CCDC91: variants seen among roughly 807,000 people sequenced by gnomAD.
The protein encoded by CCDC91 is coiled-coil domain-containing protein 91.
Under a neutral mutation model 63.2 loss-of-function variants are expected in CCDC91, and 48 were observed. That is an observed-to-expected ratio of 0.76 (90% CI 0.60 to 0.97). CCDC91 has a LOEUF of 0.97. CCDC91 is among the 50% of genes least tolerant of loss of function. The probability of loss-of-function intolerance (pLI) is 0.00; values close to 1 mark genes in which losing one functional copy is unlikely to be tolerated. For synonymous variants in CCDC91, 167 were observed against 165.8 expected, an observed-to-expected ratio of 1.01 and a Z score of -0.06; for missense variants, 500 against 494.6, an observed-to-expected ratio of 1.01 and a Z score of -0.10.
rs75991473 is a variant in CCDC91 at position 28,457,475 on chromosome 12, G to A, written c.1101+4821G>A. Among the ~76,000 whole-genome samples the A allele has an allele frequency of 2.2e-3, 333 of 148,866 alleles. 3 individuals are homozygous for A. Among genetic ancestry groups the A allele is most frequent in the African/African-American group, 7.8e-3 (315 of 40,272 alleles). On this transcript the variant is annotated intron_variant, in intron 11 of 12. Transcript: ENST00000536442. Reference sequence around the variant, plus strand: ...ACAGTAGAAATTAGGAAATGATCTAGTATGGCAACACAAAAACATTGTGCA... The same window carrying A: ...ACAGTAGAAATTAGGAAATGATCTAATATGGCAACACAAAAACATTGTGCA...
At chr12:28,221,406 G>A (rs927573052) in intron 1 of CCDC91, among the ~76,000 whole-genome samples, 4 of 152,012 alleles carry the variant, frequency 2.6e-5, no homozygotes, top group South Asian at 2.1e-4. Context: ...CTGGTTATGC[G>A]TTATAGTTTT....
At chr12:28,199,909 C>T (rs1942079674) in intron 1 of CCDC91, among the ~76,000 whole-genome samples, 1 of 152,146 alleles carries the variant, frequency 6.6e-6, no homozygotes, top group Non-Finnish European at 1.5e-5. Flanking sequence ...TGATGTGTTA[C>T]AGTGTGGATC....
intron 3 of CCDC91, among the ~76,000 whole-genome samples, chr12:28,295,772 G>A (rs1380834094): frequency 6.6e-6 from 1 of 151,940 alleles, no homozygotes; most frequent in Non-Finnish European, 1.5e-5. Flanking sequence ...AGAGACTCAG[G>A]AACCAAAAAC....
intron 12 of CCDC91, among the ~76,000 whole-genome samples, chr12:28,532,883 A>G (rs1197248928): frequency 6.6e-6 from 1 of 152,092 alleles, no homozygotes; most frequent in Non-Finnish European, 1.5e-5. Flanking sequence ...TGTACCTCTA[A>G]CTTTTATCAG....
At chr12:28,242,949 T>G (rs1325039087) in intron 1 of CCDC91, among the ~76,000 whole-genome samples, 3 of 152,132 alleles carry the variant, frequency 2.0e-5, no homozygotes, top group Non-Finnish European at 4.4e-5. Context: ...CTCTGCCTTC[T>G]GTCATGATTG....
At chr12:28,498,906 G>T (rs553994462) in intron 12 of CCDC91, among the ~76,000 whole-genome samples, 1 of 151,582 alleles carries the variant, frequency 6.6e-6, no homozygotes, top group Admixed American at 6.6e-5. Flanking sequence ...AAAGAGAAAA[G>T]ACCTCATTTG....
intron 12 of CCDC91, among the ~76,000 whole-genome samples, chr12:28,523,967 C>T (rs529827744): frequency 6.6e-6 from 1 of 151,936 alleles, no homozygotes; most frequent in East Asian, 1.9e-4. Flanking sequence ...CAAAGATACT[C>T]CTCAAGAAGA....
chr12:28,227,190 G>T (rs758342007), intron 1 of CCDC91, among the ~76,000 whole-genome samples: 22 of 152,070 alleles, frequency 1.4e-4, no homozygotes, highest in Non-Finnish European at 2.2e-4. Context: ...TTCTTCACTG[G>T]AAAGTTATTC....
chr12:28,493,061 G>T (rs1952095171), intron 12 of CCDC91, among the ~76,000 whole-genome samples: 1 of 151,480 alleles, frequency 6.6e-6, no homozygotes. Flanking sequence ...ATATATAAAA[G>T]AACCACCATT....
chr12:28,379,699 GT>G (rs1310424257), intron 7 of CCDC91, among the ~76,000 whole-genome samples: 5 of 152,164 alleles, frequency 3.3e-5, no homozygotes, highest in Admixed American at 3.3e-4. Flanking sequence ...CTTTTACACT[GT>G]TGGTGGGAGT....
chr12:28,493,461 T>G (rs188734817), intron 12 of CCDC91, among the ~76,000 whole-genome samples: 1 of 151,864 alleles, frequency 6.6e-6, no homozygotes. Flanking sequence ...AGTAGAACTT[T>G]GGTCACATGT....
intron 8 of CCDC91, among the ~76,000 whole-genome samples, chr12:28,428,372 A>G (rs1294239411): frequency 2.0e-5 from 3 of 151,938 alleles, no homozygotes; most frequent in Non-Finnish European, 2.9e-5. Context: ...GGAGTTTGAG[A>G]CCAGCCTGAC....
At chr12:28,323,698 A>AT (rs1565796712) in intron 6 of CCDC91, among the ~76,000 whole-genome samples, 1 of 151,964 alleles carries the variant, frequency 6.6e-6, no homozygotes, top group Admixed American at 6.6e-5. Flanking sequence ...CAAAATTGAC[A>AT]TTATTCTCTA....
At chr12:28,422,813 A>G (rs549193612) in intron 8 of CCDC91, among the ~76,000 whole-genome samples, 1 of 152,242 alleles carries the variant, frequency 6.6e-6, no homozygotes, top group Non-Finnish European at 1.5e-5. Context: ...CTTTAAAAGT[A>G]TATGTTCACA....
Position 28,305,675 on chromosome 12 carries a change from TCTC to T in CCDC91, c.139_141del (p.Pro47del), listed in dbSNP as rs751553172. The T allele has an allele frequency of 6.2e-7, 1 of 1,612,750 alleles. No homozygotes were observed. Among genetic ancestry groups the T allele is most frequent in the South Asian group, 1.1e-5 (1 of 90,928 alleles). On this transcript the variant is annotated inframe_deletion, in exon 4 of 13. Transcript: ENST00000536442. ...ATCTGGAGTCCATCTTTCACCATCT[TCTC>T]CTGAGATTGTACTGGACCGTGACCA...
chr12:28,280,097 G>A (rs1410683141), intron 3 of CCDC91, among the ~76,000 whole-genome samples: 3 of 152,074 alleles, frequency 2.0e-5, no homozygotes, highest in African/African-American at 7.2e-5. Context: ...TATGAGCAGA[G>A]TGTCACCTTT....
intron 6 of CCDC91, among the ~76,000 whole-genome samples, chr12:28,347,537 A>T (rs1175668590): frequency 1.3e-5 from 2 of 152,180 alleles, no homozygotes; most frequent in Admixed American, 1.3e-4. Context: ...TTACTTAGGT[A>T]CAATACTAGT....
chr12:28,245,498 T>C (rs1945669606), intron 1 of CCDC91, among the ~76,000 whole-genome samples: 1 of 152,118 alleles, frequency 6.6e-6, no homozygotes, highest in Non-Finnish European at 1.5e-5. Context: ...TATTAAAGAA[T>C]AGATTAAGAA....
Position 28,549,072 on chromosome 12 carries a change from G to C in CCDC91, c.1225G>C (p.Val409Leu), listed in dbSNP as rs1394479040. 3 of 1,608,676 alleles carry C rather than the reference G, an allele frequency of 1.9e-6. No homozygotes were observed. The highest frequency in any genetic ancestry group is 1.7e-4 in the Middle Eastern group (1 of 6,024). Residue 409 changes from valine to leucine, a missense_variant, in exon 13 of 13, where the codon GTC becomes CTC. Physicochemically the swap from Val to Leu is conservative, Grantham distance 32. Coordinates refer to ENST00000536442, the MANE Select transcript of CCDC91 (RefSeq NM_018318.5). ...YIKEQKRLDQ[V>L]IRQRSLSSLE... ...TAAAAAAATTAAACAGCTCGATCAAGTCATCCGCCAAAGAAGCCTGTCCAG... is the reference window on the plus strand; with the variant it reads ...TAAAAAAATTAAACAGCTCGATCAACTCATCCGCCAAAGAAGCCTGTCCAG...
Sources: allele counts gnomAD v4.1 joint callset (sites outside exome capture counted in the v4.1 genomes callset), GRCh38; gene constraint gnomAD v4.1.1; transcripts MANE v1.5; gene names NCBI Gene and HGNC (gene_info 2026-07-23, HGNC 2026-07-21).